Variants in MCCC1 observed in about 807,000 individuals in gnomAD.
MCCC1 encodes methylcrotonyl-CoA carboxylase subunit 1.
A neutral mutation model predicts 83.8 loss-of-function variants in MCCC1; 64 were observed. That is an observed-to-expected ratio of 0.76 (90% CI 0.62 to 0.94). The LOEUF (loss-of-function observed/expected upper bound fraction) is 0.94, where lower values mean the gene tolerates loss of function less well. Among genes scored for constraint, MCCC1 ranks in the 40% least tolerant of loss-of-function variants. The pLI is 0.00. For missense variants in MCCC1, 807 were observed against 904.7 expected (o/e 0.89, Z 1.39); for synonymous variants, 322 against 315.4 (o/e 1.02, Z -0.22).
intron 1 of MCCC1, among the ~76,000 whole-genome samples, chr3:183,107,022 A>G (rs1719417320): frequency 6.6e-6 from 1 of 152,136 alleles, no homozygotes; most frequent in African/African-American, 2.4e-5. Flanking sequence ...TGCCCACAGA[A>G]TATTTTTGAA....
intron 9 of MCCC1, among the ~76,000 whole-genome samples, chr3:183,048,853 A>T (rs1714748372): frequency 6.6e-6 from 1 of 152,194 alleles, no homozygotes; most frequent in South Asian, 2.1e-4. Flanking sequence ...TGGACCATAA[A>T]CCACATCTTA....
intron 14 of MCCC1, among the ~76,000 whole-genome samples, chr3:183,026,960 C>G (rs1484623543): frequency 6.6e-6 from 1 of 152,190 alleles, no homozygotes; most frequent in Non-Finnish European, 1.5e-5. Context: ...TCTGCAGATA[C>G]TATGTTTTTT....
chr3:183,016,449 G>A (rs182119931), intron 18 of MCCC1, among the ~76,000 whole-genome samples: 7 of 150,304 alleles, frequency 4.7e-5, no homozygotes, highest in Non-Finnish European at 7.4e-5. Context: ...CAAGCTGGTC[G>A]TGAACTCCTG....
At chr3:183,035,986 C>A (rs1201436030) in intron 13 of MCCC1, among the ~76,000 whole-genome samples, 1 of 140,198 alleles carries the variant, frequency 7.1e-6, no homozygotes, top group Admixed American at 7.2e-5. Context: ...CTCCCCCCAC[C>A]CCACGACAGG....
At chr3:183,089,957 T>C (rs1250084891) in intron 3 of MCCC1, among the ~76,000 whole-genome samples, 2 of 152,152 alleles carry the variant, frequency 1.3e-5, no homozygotes, top group Non-Finnish European at 2.9e-5. Flanking sequence ...GTTGGATATA[T>C]ATGTATCATG....
At chr3:183,024,025 C>A (rs377067123) in intron 15 of MCCC1, among the ~76,000 whole-genome samples, 1 of 152,096 alleles carries the variant, frequency 6.6e-6, no homozygotes, top group Non-Finnish European at 1.5e-5. Flanking sequence ...CCAAGGTGGG[C>A]GGATCACCTG....
chr3:183,041,905 T>C (rs1714121913), intron 10 of MCCC1, among the ~76,000 whole-genome samples, 155 bp from the exon 11 acceptor site: 1 of 152,212 alleles, frequency 6.6e-6, no homozygotes, highest in African/African-American at 2.4e-5. Context: ...CATTTGAGTA[T>C]TGGGCAAAAC....
intron 4 of MCCC1, among the ~76,000 whole-genome samples, chr3:183,076,434 T>C (rs1213794535): frequency 6.6e-6 from 1 of 152,238 alleles, no homozygotes; most frequent in Non-Finnish European, 1.5e-5. Flanking sequence ...TCATTTGAAT[T>C]ATTTTCCAGT....
Position 183,041,585 on chromosome 3 carries a change from C to A in MCCC1, c.1249G>T (p.Glu417Ter). 1 of 1,614,058 alleles carries A rather than the reference C, an allele frequency of 6.2e-7. No individual in the cohort carries two copies. The highest frequency in any genetic ancestry group is 1.1e-5 in the South Asian group (1 of 91,074). ...TPRADPSTRI[E>*]TGVRQGDEVS... ...ACTTTACCTTGCCGTACTCCAGTTT[C>A]AATCCTGGTGGAAGGGTCTGCTCGA... Residue 417 changes from glutamate (E) to a stop codon, truncating the protein, a stop_gained, in exon 11 of 19, where the codon GAA becomes TAA. Transcript: ENST00000265594. LOFTEE classifies it high-confidence loss of function.
intron 9 of MCCC1, among the ~76,000 whole-genome samples, chr3:183,050,401 G>C (rs1714874822): frequency 6.6e-6 from 1 of 151,168 alleles, no homozygotes; most frequent in Non-Finnish European, 1.5e-5. Flanking sequence ...TAAAACTTCT[G>C]CTCTGTGAAA....
chr3:183,023,643 G>T (rs1322225249), intron 15 of MCCC1, among the ~76,000 whole-genome samples: 1 of 152,104 alleles, frequency 6.6e-6, no homozygotes, highest in African/African-American at 2.4e-5. Context: ...GAATCTCACA[G>T]AAAGAAAATC....
At chr3:183,105,740 C>T (rs1169929903) in intron 1 of MCCC1, among the ~76,000 whole-genome samples, 1 of 151,954 alleles carries the variant, frequency 6.6e-6, no homozygotes, top group Admixed American at 6.6e-5. Context: ...GCTGGGAAGG[C>T]TATGAAGAGA....
intron 7 of MCCC1, among the ~76,000 whole-genome samples, chr3:183,063,352 T>C (rs1275262960): frequency 6.6e-6 from 1 of 152,192 alleles, no homozygotes; most frequent in Non-Finnish European, 1.5e-5. Context: ...ATTTGTTTTT[T>C]CTTCCAAAAT....
intron 15 of MCCC1, among the ~76,000 whole-genome samples, chr3:183,022,894 C>T (rs1712275016): frequency 6.6e-6 from 1 of 152,044 alleles, no homozygotes; most frequent in African/African-American, 2.4e-5. Context: ...TATTAAAATT[C>T]ATTTGCATAT....
chr3:183,045,988 G>T (rs1027089775), intron 9 of MCCC1, among the ~76,000 whole-genome samples: 3 of 152,198 alleles, frequency 2.0e-5, no homozygotes, highest in African/African-American at 7.2e-5. Flanking sequence ...TTGAAAGATT[G>T]TTTGGCAACT....
At position 183,041,682 on chromosome 3, in the gene MCCC1, A is replaced by C; in HGVS notation, c.1152T>G (p.Ala384=). ...EITLQGHAFE[A]RIYAEDPSNN... ...TGCTAGGATCTTCTGCATATATTCTAGCTTCGAAGGCATGGCCCTGCAGAG... is the reference window on the plus strand; with the variant it reads ...TGCTAGGATCTTCTGCATATATTCTCGCTTCGAAGGCATGGCCCTGCAGAG... The change falls in exon 11 of 19, where the codon GCT becomes GCG. Residue 384 remains alanine (A), a synonymous_variant. Coordinates refer to ENST00000265594, the MANE Select transcript of MCCC1 (RefSeq NM_020166.5). 3.1e-6 allele frequency: 5 copies of C among 1,614,210 alleles called. No individual in the cohort carries two copies. Among genetic ancestry groups the C allele is most frequent in the Non-Finnish European group, 4.2e-6 (5 of 1,180,036 alleles).
At chr3:183,034,946 T>A (rs1713442475) in intron 13 of MCCC1, among the ~76,000 whole-genome samples, 1 of 152,072 alleles carries the variant, frequency 6.6e-6, no homozygotes, top group Non-Finnish European at 1.5e-5. Flanking sequence ...GCTGGCTAAC[T>A]TTTCTATTTT....
intron 16 of MCCC1, among the ~76,000 whole-genome samples, chr3:183,021,332 T>G (rs971639665): frequency 1.3e-5 from 2 of 152,136 alleles, no homozygotes; most frequent in Non-Finnish European, 2.9e-5. Flanking sequence ...CTATTAATCC[T>G]CCTGCATTAG....
intron 12 of MCCC1, among the ~76,000 whole-genome samples, chr3:183,038,465 A>T (rs1187717576): frequency 6.6e-6 from 1 of 152,202 alleles, no homozygotes. Context: ...ATTATTAACA[A>T]TAACAAGTTG....
Sources: gnomAD v4.1 joint callset for allele counts (sites outside exome capture counted in the v4.1 genomes callset) on GRCh38, gnomAD v4.1.1 for gene constraint, MANE v1.5 for transcripts, NCBI Gene and HGNC (gene_info 2026-07-23, HGNC 2026-07-21) for gene names.